The following AAMDC variants were observed in gnomAD, a reference collection of about 807,000 sequenced individuals.
The protein encoded by AAMDC is adipogenesis associated Mth938 domain containing.
AAMDC carries 16 observed loss-of-function variants against 15.5 expected under a neutral mutation model. The observed-to-expected ratio is 1.03, with a 90% CI of 0.70 to 1.57. AAMDC has a LOEUF of 1.57. AAMDC is among the 40% of genes most tolerant of loss of function. The pLI, the probability that AAMDC is intolerant of heterozygous loss-of-function variation, is 0.00. For missense variants in AAMDC, 141 were observed against 144.9 expected, an observed-to-expected ratio of 0.97 and a Z score of 0.14; for synonymous variants, 51 against 51.6, an observed-to-expected ratio of 0.99 and a Z score of 0.05.
chr11:77,842,329 C>T, intron 1 of AAMDC, 150 bp from the exon 2 acceptor site: 2 of 712,804 alleles, frequency 2.8e-6, no homozygotes, highest in East Asian at 5.6e-5. Flanking sequence ...ATAATAGTTA[C>T]TTTTTAGACC....
At chr11:77,848,279 A>G (rs1342435854) in intron 2 of AAMDC, among the ~76,000 whole-genome samples, 1 of 152,142 alleles carries the variant, frequency 6.6e-6, no homozygotes, top group Non-Finnish European at 1.5e-5. Context: ...TGAGAGATCC[A>G]TTTCCCTTCA....
chr11:77,851,803 C>T (rs903891969), intron 2 of AAMDC, among the ~76,000 whole-genome samples: 2 of 152,076 alleles, frequency 1.3e-5, no homozygotes, highest in Non-Finnish European at 2.9e-5. Context: ...GCTTGTACAG[C>T]CTGCAGAACT....
At chr11:77,891,990 A>G (rs1373457973) in intron 5 of AAMDC, 2 of 1,194,544 alleles carry the variant, frequency 1.7e-6, no homozygotes, top group Non-Finnish European at 2.3e-6. Context: ...TGGTACCTAT[A>G]CAATCATGCC....
intron 1 of AAMDC, among the ~76,000 whole-genome samples, chr11:77,821,931 G>A (rs949930425): frequency 1.3e-5 from 2 of 152,022 alleles, no homozygotes; most frequent in Non-Finnish European, 2.9e-5. Context: ...AGAGTGGGGT[G>A]ATAATAGTAC....
chr11:77,869,546 G>A (rs1049250753), intron 2 of AAMDC, 176 bp from the exon 3 acceptor site: 2 of 530,348 alleles, frequency 3.8e-6, no homozygotes, highest in African/African-American at 3.9e-5. Context: ...TGAACTCCTA[G>A]GTTCAAGGGA....
chr11:77,900,845 G>A, downstream of AAMDC: 1 of 547,380 alleles, frequency 1.8e-6, no homozygotes, highest in Middle Eastern at 4.8e-4. Context: ...TACGTATCAA[G>A]TACCATGCTA....
intron 1 of AAMDC, chr11:77,841,003 A>C (rs919767413): frequency 1.9e-6 from 1 of 516,778 alleles, no homozygotes; most frequent in South Asian, 3.5e-5. Context: ...AATGAAAATA[A>C]TTTTTTTTCT....
intron 1 of AAMDC, among the ~76,000 whole-genome samples, chr11:77,833,207 C>T (rs988989082): frequency 1.1e-4 from 16 of 151,092 alleles, no homozygotes; most frequent in Non-Finnish European, 1.8e-4. Flanking sequence ...ATGGGGTTTT[C>T]GCCATGTTGG....
downstream of AAMDC, among the ~76,000 whole-genome samples, chr11:77,904,743 TC>T (rs1952889800): frequency 6.6e-6 from 1 of 152,192 alleles, no homozygotes; most frequent in Non-Finnish European, 1.5e-5. Flanking sequence ...TAGATCATAA[TC>T]CCAAAACATA....
intron 2 of AAMDC, chr11:77,866,744 T>A (rs987950553): frequency 2.6e-5 from 4 of 151,920 alleles, no homozygotes; most frequent in Non-Finnish European, 5.9e-5. Flanking sequence ...AAAAAAATAT[T>A]AAAAAAAATA....
intron 2 of AAMDC, among the ~76,000 whole-genome samples, chr11:77,863,106 T>C (rs1479593414): frequency 6.6e-6 from 1 of 152,136 alleles, no homozygotes; most frequent in Non-Finnish European, 1.5e-5. Flanking sequence ...AGGAATGGAA[T>C]CTTGGGCCAT....
chr11:77,833,129 G>C (rs1463588101), intron 1 of AAMDC, among the ~76,000 whole-genome samples: 1 of 149,880 alleles, frequency 6.7e-6, no homozygotes, highest in Non-Finnish European at 1.5e-5. Context: ...TCCTGCCTCG[G>C]CTTTGGAGTA....
intron 1 of AAMDC, among the ~76,000 whole-genome samples, chr11:77,822,367 G>A (rs755946570): frequency 3.2e-4 from 45 of 140,812 alleles, no homozygotes; most frequent in Non-Finnish European, 5.8e-4. Flanking sequence ...GTGAGTCGAG[G>A]TCGCGCCACT....
chr11:77,862,090 C>T (rs964549413), intron 2 of AAMDC, among the ~76,000 whole-genome samples: 1 of 152,068 alleles, frequency 6.6e-6, no homozygotes, highest in African/African-American at 2.4e-5. Context: ...CCTAGTTTTC[C>T]TTAGTCCTTC....
intron 2 of AAMDC, 21 bp from the exon 3 acceptor site, chr11:77,869,698 TCTA>T: frequency 6.2e-7 from 1 of 1,608,132 alleles, no homozygotes; most frequent in South Asian, 1.1e-5. Flanking sequence ...CAGGTACCTG[TCTA>T]CTTTCTCTTT....
At chr11:77,860,259 GAGTTTCCTTAATTAGTGTATATA>G (rs1950820203) in intron 2 of AAMDC, among the ~76,000 whole-genome samples, 1 of 152,208 alleles carries the variant, frequency 6.6e-6, no homozygotes, top group Non-Finnish European at 1.5e-5. Flanking sequence ...ATTGCTTTCT[GAGTTTCCTTAATTAGTGTATATA>G]ATGGCCTGGC....
rs1951467706 is a variant in AAMDC at position 77,872,253 on chromosome 11, G to A, written c.307G>A (p.Glu103Lys). The change falls in exon 4 of 4, where the codon GAG (glutamate) becomes AAG (lysine). Residue 103 changes from glutamate to lysine, a missense_variant. Coordinates refer to ENST00000393427, the MANE Select transcript of AAMDC (RefSeq NM_024684.4). ...RVLQTEQAVKEYNALVAQGVR... is the reference protein window; with the variant it reads ...RVLQTEQAVKKYNALVAQGVR... ...CCTCCAGACAGAGCAGGCAGTGAAG[G>A]AGTATAATGCCTTGGTTGCCCAAGG... 1.2e-6 allele frequency: 2 copies of A among 1,613,822 alleles called. No individual in the cohort carries two copies. Among genetic ancestry groups the A allele is most frequent in the Non-Finnish European group, 1.7e-6 (2 of 1,179,854 alleles).
intron 1 of AAMDC, among the ~76,000 whole-genome samples, chr11:77,824,813 C>G (rs1949093429): frequency 6.6e-6 from 1 of 152,218 alleles, no homozygotes; most frequent in South Asian, 2.1e-4. Context: ...TCTATAAACA[C>G]TGCATTCAAC....
chr11:77,825,661 A>C (rs528577821), intron 1 of AAMDC, among the ~76,000 whole-genome samples: 1 of 152,084 alleles, frequency 6.6e-6, no homozygotes, highest in Admixed American at 6.5e-5. Context: ...TCATTGAAGA[A>C]GACACCTTTA....
Sources: gnomAD v4.1 joint callset for allele counts (sites outside exome capture counted in the v4.1 genomes callset) on GRCh38, gnomAD v4.1.1 for gene constraint, MANE v1.5 for transcripts, NCBI Gene and HGNC (gene_info 2026-07-23, HGNC 2026-07-21) for gene names.